Variants in GPBP1L1 observed in about 807,000 individuals in gnomAD.
GPBP1L1 encodes the protein vasculin-like protein 1.
GPBP1L1 carries 23 observed loss-of-function variants against 52.5 expected under a neutral mutation model. That is an observed-to-expected ratio of 0.44 (90% CI 0.32 to 0.62). The LOEUF (loss-of-function observed/expected upper bound fraction) is 0.62. GPBP1L1 is among the 20% of genes least tolerant of loss of function. The pLI, the probability that GPBP1L1 is intolerant of heterozygous loss-of-function variation, is 0.06. For synonymous variants in GPBP1L1, 243 were observed against 203.1 expected, an observed-to-expected ratio of 1.20 and a Z score of -1.67; for missense variants, 596 against 579.3, an observed-to-expected ratio of 1.03 and a Z score of -0.30.
chr1:45,665,789 T>C lies in GPBP1L1; in HGVS notation c.-1097-4564A>G, dbSNP rs184317250. On this transcript the variant is annotated intron_variant, in intron 2 of 12. Transcript: ENST00000355105. ...AAAAGGAAAGTTTCCAAGTCTTGTTTATTTCATTACTTCTTTTCCACCTGT... is the reference window on the plus strand; with the variant it reads ...AAAAGGAAAGTTTCCAAGTCTTGTTCATTTCATTACTTCTTTTCCACCTGT... Among the ~76,000 whole-genome samples the C allele has an allele frequency of 7.3e-5, 11 of 151,680 alleles. No individual in the cohort carries two copies. The East Asian group carries it at 1.9e-3, about 27-fold the overall frequency.
At chr1:45,649,129 AG>A (rs1203240305) in intron 6 of GPBP1L1, among the ~76,000 whole-genome samples, 7 of 152,212 alleles carry the variant, frequency 4.6e-5, no homozygotes, top group Non-Finnish European at 1.0e-4. Context: ...ACACTCAAAA[AG>A]TTTTAGACTG....
At chr1:45,647,136 T>C (rs1036193395) in intron 6 of GPBP1L1, among the ~76,000 whole-genome samples, 1 of 151,696 alleles carries the variant, frequency 6.6e-6, no homozygotes, top group Non-Finnish European at 1.5e-5. Context: ...TTTTCCCAGA[T>C]GATTTTTTTT....
At chr1:45,658,803 T>C in intron 4 of GPBP1L1, 1 of 490,282 alleles carries the variant, frequency 2.0e-6, no homozygotes, top group Admixed American at 3.8e-5. Context: ...TAGCAGGGCG[T>C]GGTGGTACAC....
At chr1:45,659,236 G>GA (rs1644918962) in intron 3 of GPBP1L1, 94 bp from the exon 4 acceptor site, 1 of 723,804 alleles carries the variant, frequency 1.4e-6, no homozygotes, top group African/African-American at 1.8e-5. Context: ...CCTCTTTACA[G>GA]AAAGACCTGC....
intron 12 of GPBP1L1, among the ~76,000 whole-genome samples, chr1:45,629,065 C>G (rs987939456): frequency 6.6e-6 from 1 of 152,182 alleles, no homozygotes; most frequent in African/African-American, 2.4e-5. Flanking sequence ...ATACAGGCCA[C>G]CAGAAGTTCA....
chr1:45,650,374 A>G (rs1644805434), intron 6 of GPBP1L1, among the ~76,000 whole-genome samples: 3 of 152,218 alleles, frequency 2.0e-5, no homozygotes, highest in Non-Finnish European at 4.4e-5. Context: ...TCCCACACTT[A>G]GTAACAGCTA....
chr1:45,656,011 ATCC>A (rs1255533624), intron 4 of GPBP1L1: 1 of 152,262 alleles, frequency 6.6e-6, no homozygotes, highest in Non-Finnish European at 1.5e-5. Context: ...GCCTCAAGCA[ATCC>A]TCCTGCCTTG....
chr1:45,684,258 CAAA>C (rs60624036), intron 2 of GPBP1L1, among the ~76,000 whole-genome samples: 5 of 88,468 alleles, frequency 5.7e-5, no homozygotes, highest in South Asian at 4.0e-4. Flanking sequence ...AACTCCGTCT[CAAA>C]AAAAAAAAAA....
At chr1:45,657,188 G>C (rs1379215143) in intron 4 of GPBP1L1, among the ~76,000 whole-genome samples, 1 of 152,046 alleles carries the variant, frequency 6.6e-6, no homozygotes, top group African/African-American at 2.4e-5. Flanking sequence ...CCAAGCTTTG[G>C]GTCAGATTAG....
intron 2 of GPBP1L1, among the ~76,000 whole-genome samples, chr1:45,669,073 T>C (rs140164294): frequency 1.3e-5 from 2 of 152,240 alleles, no homozygotes; most frequent in African/African-American, 4.8e-5. Context: ...TCTTCAACCA[T>C]GAAATAGTTT....
chr1:45,630,049 C>G (rs1225003702), intron 11 of GPBP1L1, among the ~76,000 whole-genome samples: 1 of 151,820 alleles, frequency 6.6e-6, no homozygotes, highest in Non-Finnish European at 1.5e-5. Flanking sequence ...CTCCCGGGTT[C>G]AAGCCATTCT....
intron 6 of GPBP1L1, among the ~76,000 whole-genome samples, chr1:45,648,708 TTTGTC>T (rs1644783868): frequency 6.6e-6 from 1 of 152,240 alleles, no homozygotes; most frequent in African/African-American, 2.4e-5. Flanking sequence ...CTCTACTTGC[TTTGTC>T]TTATTTTTAA....
chr1:45,628,428 G>A lies in GPBP1L1; in HGVS notation c.1273-20C>T. On this transcript the variant is annotated intron_variant, in intron 12 of 12. Coordinates refer to ENST00000355105, the MANE Select transcript of GPBP1L1 (RefSeq NM_021639.5). The stretch of plus-strand genomic sequence containing the variant: ...TCTCAGCTATGGTTAGCATGGGAGA[G>A]AAAGAAAAAAGAAAAAAATATCAAT... The A allele has an allele frequency of 1.2e-6, 2 of 1,605,964 alleles. No individual in the cohort carries two copies. The highest frequency in any genetic ancestry group is 8.5e-7 in the Non-Finnish European group (1 of 1,177,552).
chr1:45,653,557 G>C (rs1264615513), intron 6 of GPBP1L1, among the ~76,000 whole-genome samples: 1 of 151,860 alleles, frequency 6.6e-6, no homozygotes, highest in African/African-American at 2.4e-5. Context: ...CAAGGATCTT[G>C]CTGTGCTGCC....
At chr1:45,632,027 C>A (rs1388176472) in intron 10 of GPBP1L1, among the ~76,000 whole-genome samples, 3 of 151,926 alleles carry the variant, frequency 2.0e-5, no homozygotes, top group African/African-American at 7.3e-5. Context: ...CCGAGACCAG[C>A]CTGACCAACA....
chr1:45,667,905 T>C (rs1378262121), intron 2 of GPBP1L1, among the ~76,000 whole-genome samples: 2 of 151,944 alleles, frequency 1.3e-5, no homozygotes, highest in Admixed American at 6.6e-5. Flanking sequence ...GTGTGACCTG[T>C]ATTTTGTATT....
At chr1:45,630,148 G>A (rs936852965) in intron 11 of GPBP1L1, among the ~76,000 whole-genome samples, 5 of 152,032 alleles carry the variant, frequency 3.3e-5, no homozygotes, top group African/African-American at 9.7e-5. Context: ...ACAGGGTTTC[G>A]CCATGTTGGC....
chr1:45,685,337 T>C (rs1029044214), intron 2 of GPBP1L1, among the ~76,000 whole-genome samples: 1 of 152,210 alleles, frequency 6.6e-6, no homozygotes, highest in Non-Finnish European at 1.5e-5. Flanking sequence ...GAACACGACT[T>C]ACTACTAAAC....
intron 6 of GPBP1L1, among the ~76,000 whole-genome samples, chr1:45,650,367 C>A (rs1644805297): frequency 6.6e-6 from 1 of 152,192 alleles, no homozygotes. Context: ...AGCTCTCTCC[C>A]ACACTTAGTA....
Sources: gnomAD v4.1 joint callset for allele counts (sites outside exome capture counted in the v4.1 genomes callset) on GRCh38, gnomAD v4.1.1 for gene constraint, MANE v1.5 for transcripts, NCBI Gene and HGNC (gene_info 2026-07-23, HGNC 2026-07-21) for gene names.